The following PALLD variants were observed in gnomAD, a reference collection of about 807,000 sequenced individuals.
The protein encoded by PALLD is palladin.
A neutral mutation model predicts 123.5 loss-of-function variants in PALLD; 61 were observed. The observed-to-expected ratio is 0.49, with a 90% CI of 0.40 to 0.61. The LOEUF (loss-of-function observed/expected upper bound fraction) is 0.61. PALLD is among the 20% of genes least tolerant of loss of function. The pLI, the probability that PALLD is intolerant of heterozygous loss-of-function variation, is 0.00. For missense variants in PALLD, 1,273 were observed against 1,377.0 expected, an observed-to-expected ratio of 0.92 and a Z score of 1.20; for synonymous variants, 465 against 496.4, an observed-to-expected ratio of 0.94 and a Z score of 0.84.
chr4:168,693,434 T>C (rs1052809197), intron 8 of PALLD, among the ~76,000 whole-genome samples: 1 of 152,230 alleles, frequency 6.6e-6, no homozygotes, highest in African/African-American at 2.4e-5. Flanking sequence ...CGTACTTAAA[T>C]GCCATTTGCT....
At chr4:168,896,506 A>G in intron 12 of PALLD, 43 bp from the exon 13 acceptor site, 1 of 1,133,902 alleles carries the variant, frequency 8.8e-7, no homozygotes, top group Non-Finnish European at 1.3e-6. Flanking sequence ...CATTCTTATT[A>G]TTTCTATTAT....
chr4:168,922,669 G>A (rs1307521381), intron 18 of PALLD, among the ~76,000 whole-genome samples: 1 of 152,190 alleles, frequency 6.6e-6, no homozygotes, highest in African/African-American at 2.4e-5. Context: ...ACATAAAAAT[G>A]TGGTAAATAT....
chr4:168,920,609 CACA>C (rs1264712310), intron 17 of PALLD, among the ~76,000 whole-genome samples: 3 of 152,260 alleles, frequency 2.0e-5, no homozygotes, highest in South Asian at 2.1e-4. Flanking sequence ...CCCTTTGCGG[CACA>C]ACATGTTATT....
intron 1 of PALLD, chr4:168,507,778 T>G (rs1161410388): frequency 5.6e-6 from 1 of 177,600 alleles, no homozygotes; most frequent in Non-Finnish European, 1.2e-5. Context: ...GCAAGTTCTC[T>G]GCATGGCTCC....
chr4:168,503,865 A>G (rs2002727), intron 1 of PALLD, among the ~76,000 whole-genome samples: 54,773 of 151,922 alleles, frequency 0.36, 10,015 homozygotes, highest in East Asian at 0.59. Context: ...TAACCTGCAC[A>G]TCGTGCTTTG....
At chr4:168,827,117 C>T (rs2150825978) in intron 10 of PALLD, among the ~76,000 whole-genome samples, 1 of 152,298 alleles carries the variant, frequency 6.6e-6, no homozygotes, top group African/African-American at 2.4e-5. Flanking sequence ...CTAGTTATGT[C>T]TATATAAGTA....
At chr4:168,631,917 A>C in intron 2 of PALLD, 3 of 985,186 alleles carry the variant, frequency 3.0e-6, no homozygotes, top group Non-Finnish European at 3.6e-6. Context: ...GGCAGCATTA[A>C]ATCTATGCAG....
chr4:168,759,192 AAAAAAAAAAAATATATATATATATAT>A (rs1732378985), intron 10 of PALLD, among the ~76,000 whole-genome samples: 3 of 36,332 alleles, frequency 8.3e-5, no homozygotes, highest in African/African-American at 4.3e-4. Flanking sequence ...AAAAAAAAAA[AAAAAAAAAAAATATATATATATATAT>A]ATATATATAT....
intron 10 of PALLD, among the ~76,000 whole-genome samples, chr4:168,827,771 G>A (rs1172097959): frequency 2.0e-5 from 3 of 152,142 alleles, no homozygotes; most frequent in East Asian, 1.9e-4. Context: ...GGCCAGGCGC[G>A]GTGGCTCATG....
chr4:168,923,096 G>A (rs1049312127), intron 18 of PALLD, among the ~76,000 whole-genome samples: 2 of 152,210 alleles, frequency 1.3e-5, no homozygotes, highest in Non-Finnish European at 2.9e-5. Flanking sequence ...CTGCAAAGTG[G>A]TAGATGTTAT....
At chr4:168,713,626 T>C (rs1680581992) in intron 10 of PALLD, among the ~76,000 whole-genome samples, 1 of 152,192 alleles carries the variant, frequency 6.6e-6, no homozygotes, top group Non-Finnish European at 1.5e-5. Flanking sequence ...TTAATGTATA[T>C]GGCAAGGGGG....
intron 2 of PALLD, among the ~76,000 whole-genome samples, chr4:168,564,030 A>G (rs1173923867): frequency 1.3e-5 from 2 of 152,130 alleles, no homozygotes; most frequent in East Asian, 1.9e-4. Flanking sequence ...CACCCTTCCC[A>G]GTCTCCATTG....
chr4:168,624,038 T>C (rs2149804154), intron 2 of PALLD, among the ~76,000 whole-genome samples: 1 of 152,294 alleles, frequency 6.6e-6, no homozygotes, highest in African/African-American at 2.4e-5. Context: ...AGGAAACATA[T>C]ATGAAAATTA....
chr4:168,734,997 G>T (rs1179069094), intron 10 of PALLD, among the ~76,000 whole-genome samples: 1 of 152,070 alleles, frequency 6.6e-6, no homozygotes, highest in Non-Finnish European at 1.5e-5. Flanking sequence ...AGTAAGGATG[G>T]CAATGTTCTG....
At chr4:168,821,829 G>A (rs28378243) in intron 10 of PALLD, among the ~76,000 whole-genome samples, 98,928 of 148,260 alleles carry the variant, frequency 0.67, 33,001 homozygotes, top group Non-Finnish European at 0.7. Flanking sequence ...GCAGTGAGCC[G>A]ACATCGTGCC....
chr4:168,734,097 T>C (rs560970788), intron 10 of PALLD, among the ~76,000 whole-genome samples: 3 of 152,190 alleles, frequency 2.0e-5, no homozygotes, highest in Non-Finnish European at 4.4e-5. Context: ...ATCTGAGATA[T>C]CGGTTTGATA....
chr4:168,598,372 C>G (rs1036019616), intron 2 of PALLD: 1 of 599,014 alleles, frequency 1.7e-6, no homozygotes, highest in Non-Finnish European at 3.3e-6. Context: ...TGGCTAACTT[C>G]CTGAGACTTG....
intron 2 of PALLD, among the ~76,000 whole-genome samples, chr4:168,666,764 G>A (rs1779700127): frequency 1.3e-5 from 2 of 152,206 alleles, no homozygotes; most frequent in Non-Finnish European, 2.9e-5. Context: ...GTCTGCTGGT[G>A]ATGGAGAGAC....
intron 15 of PALLD, among the ~76,000 whole-genome samples, chr4:168,911,877 C>T (rs887054436): frequency 1.3e-5 from 2 of 152,148 alleles, no homozygotes; most frequent in African/African-American, 2.4e-5. Context: ...GAATGCCAGA[C>T]GGAGTCACAT....
Sources: allele counts gnomAD v4.1 joint callset (sites outside exome capture counted in the v4.1 genomes callset), GRCh38; gene constraint gnomAD v4.1.1; transcripts MANE v1.5; gene names NCBI Gene and HGNC (gene_info 2026-07-23, HGNC 2026-07-21).